The following LRP1B variants were observed in gnomAD, a reference collection of about 807,000 sequenced individuals.
The protein encoded by LRP1B is low-density lipoprotein receptor-related protein 1B.
In LRP1B, 217 loss-of-function variants were observed where a neutral mutation model predicts 556.6. That is an observed-to-expected ratio of 0.39 (90% CI 0.35 to 0.44). The LOEUF is 0.44. Among genes scored for constraint, LRP1B ranks in the 20% least tolerant of loss-of-function variants. The pLI, the probability that LRP1B is intolerant of heterozygous loss-of-function variation, is 1.00. For synonymous variants in LRP1B, 2,047 were observed against 1,865.8 expected, an observed-to-expected ratio of 1.10 and a Z score of -2.50; for missense variants, 5,053 against 5,620.8, an observed-to-expected ratio of 0.90 and a Z score of 3.23.
chr2:140,848,492 G>A (rs557845503), intron 29 of LRP1B, among the ~76,000 whole-genome samples: 40 of 152,206 alleles, frequency 2.6e-4, no homozygotes, highest in Non-Finnish European at 4.3e-4. Context: ...ATCTATTAAT[G>A]GTACTCAAGC....
chr2:141,787,732 C>A (rs932905949), intron 2 of LRP1B, among the ~76,000 whole-genome samples: 6 of 151,426 alleles, frequency 4.0e-5, no homozygotes, highest in African/African-American at 1.5e-4. Context: ...AATTATACCT[C>A]AATAAAATTA....
intron 5 of LRP1B, among the ~76,000 whole-genome samples, chr2:141,236,834 G>A (rs1683662749): frequency 6.6e-6 from 1 of 152,082 alleles, no homozygotes; most frequent in African/African-American, 2.4e-5. Context: ...TGGAAGCAGA[G>A]GTCATTGGGA....
intron 2 of LRP1B, among the ~76,000 whole-genome samples, chr2:141,783,654 T>C (rs1695334700): frequency 1.3e-5 from 2 of 151,930 alleles, no homozygotes; most frequent in South Asian, 2.1e-4. Context: ...CAGCAGCATA[T>C]TAAGTAATAT....
intron 11 of LRP1B, among the ~76,000 whole-genome samples, chr2:141,032,822 C>CATAT (rs1333410760): frequency 2.6e-4 from 20 of 75,626 alleles, no homozygotes; most frequent in African/African-American, 9.8e-4. Context: ...TATATATATA[C>CATAT]ATACATATAT....
intron 66 of LRP1B, among the ~76,000 whole-genome samples, chr2:140,413,096 G>T (rs1408249637): frequency 6.6e-6 from 1 of 152,088 alleles, no homozygotes; most frequent in African/African-American, 2.4e-5. Context: ...TTGGTATAAA[G>T]TATAAAAGTA....
intron 71 of LRP1B, among the ~76,000 whole-genome samples, 158 bp downstream of exon 71, chr2:140,370,552 G>T (rs562911009): frequency 6.6e-6 from 1 of 151,994 alleles, no homozygotes; most frequent in East Asian, 1.9e-4. Flanking sequence ...TCTGGATTTT[G>T]CATATTTAGA....
At chr2:141,563,755 A>G (rs1439902999) in intron 2 of LRP1B, among the ~76,000 whole-genome samples, 2 of 152,118 alleles carry the variant, frequency 1.3e-5, no homozygotes, top group Non-Finnish European at 2.9e-5. Context: ...CCATTATCCT[A>G]AGAGAATTAC....
In LRP1B at chr2:141,188,515, T is replaced by G; in HGVS notation, c.919A>C (p.Ile307Leu). The change falls in exon 7 of 91, where the codon ATC (isoleucine) becomes CTC (leucine). Residue 307 changes from isoleucine (I) to leucine (L), a missense_variant. Ile to Leu is a conservative substitution (Grantham distance 5). Coordinates refer to ENST00000389484, the MANE Select transcript of LRP1B (RefSeq NM_018557.3). ...LYFVDHVGDR[I>L]FVCNSNGSVC... Reference sequence around the variant, plus strand: ...GAACCGTTGGAATTACAAACAAAGATCCGGTCACCGACATGGTCCACAAAA... The same window carrying G: ...GAACCGTTGGAATTACAAACAAAGAGCCGGTCACCGACATGGTCCACAAAA... The G allele has an allele frequency of 6.2e-7, 1 of 1,612,814 alleles. No homozygotes were observed. Among genetic ancestry groups the G allele is most frequent in the Non-Finnish European group, 8.5e-7 (1 of 1,179,268 alleles).
At chr2:141,993,664 C>T (rs1702405845) in intron 1 of LRP1B, among the ~76,000 whole-genome samples, 1 of 152,128 alleles carries the variant, frequency 6.6e-6, no homozygotes, top group African/African-American at 2.4e-5. Flanking sequence ...TACAAAGTGT[C>T]TTTGGCAGTG....
chr2:140,540,768 C>A (rs1680104228), intron 45 of LRP1B, among the ~76,000 whole-genome samples: 1 of 152,024 alleles, frequency 6.6e-6, no homozygotes, highest in Non-Finnish European at 1.5e-5. Context: ...ACATTTGTTA[C>A]CATTTTGGTT....
intron 14 of LRP1B, among the ~76,000 whole-genome samples, chr2:141,008,432 A>C (rs1697643985): frequency 6.6e-6 from 1 of 151,226 alleles, no homozygotes; most frequent in African/African-American, 2.4e-5. Flanking sequence ...ATTATTTATA[A>C]ATAATTAGAA....
At chr2:140,442,886 T>C (rs1251624656) in intron 65 of LRP1B, among the ~76,000 whole-genome samples, 1 of 152,164 alleles carries the variant, frequency 6.6e-6, no homozygotes, top group Non-Finnish European at 1.5e-5. Context: ...TGATTAGATA[T>C]TTGAATACTA....
intron 47 of LRP1B, among the ~76,000 whole-genome samples, chr2:140,526,927 G>A (rs2104972499): frequency 6.6e-6 from 1 of 151,722 alleles, no homozygotes; most frequent in Non-Finnish European, 1.5e-5. Flanking sequence ...TTCTCAGAGG[G>A]AACAGCTTAC....
At chr2:141,376,528 G>A (rs561613059) in intron 3 of LRP1B, among the ~76,000 whole-genome samples, 10 of 152,012 alleles carry the variant, frequency 6.6e-5, no homozygotes, top group African/African-American at 1.2e-4. Flanking sequence ...ATTCTTCTCC[G>A]TGGAGGAGGC....
At chr2:140,778,032 CCA>C (rs924694060) in intron 32 of LRP1B, among the ~76,000 whole-genome samples, 190 of 151,564 alleles carry the variant, frequency 1.3e-3, no homozygotes, top group African/African-American at 4.3e-3. Context: ...GAAAAAAATG[CCA>C]GTTTTACTTA....
At chr2:141,068,379 T>G (rs528832327) in intron 7 of LRP1B, among the ~76,000 whole-genome samples, 2 of 152,032 alleles carry the variant, frequency 1.3e-5, no homozygotes, top group South Asian at 4.1e-4. Flanking sequence ...CAGCATTTTA[T>G]AGACAGGCTT....
intron 7 of LRP1B, among the ~76,000 whole-genome samples, chr2:141,135,613 C>T (rs761790233): frequency 2.6e-5 from 4 of 151,880 alleles, no homozygotes; most frequent in Non-Finnish European, 4.4e-5. Context: ...AATGAATTTC[C>T]TTTATAAAAC....
chr2:141,852,623 C>G (rs1302003466), intron 1 of LRP1B, among the ~76,000 whole-genome samples: 1 of 151,290 alleles, frequency 6.6e-6, no homozygotes, highest in Non-Finnish European at 1.5e-5. Context: ...TAGAACAGAG[C>G]AAAAGTGAGA....
chr2:140,526,546 ATTC>A (rs151139450), intron 47 of LRP1B, among the ~76,000 whole-genome samples, 196 bp from the exon 48 acceptor site: 4,593 of 151,608 alleles, frequency 0.03, 239 homozygotes, highest in African/African-American at 0.11. Context: ...CTATCACACA[ATTC>A]TTCTCTCTGT....
Sources: gnomAD v4.1 joint callset for allele counts (sites outside exome capture counted in the v4.1 genomes callset) on GRCh38, gnomAD v4.1.1 for gene constraint, MANE v1.5 for transcripts, NCBI Gene and HGNC (gene_info 2026-07-23, HGNC 2026-07-21) for gene names.